The following COL5A2 variants were observed in gnomAD, a reference collection of about 807,000 sequenced individuals.
The protein encoded by COL5A2 is collagen type V alpha 2 chain.
A neutral mutation model predicts 208.2 loss-of-function variants in COL5A2; 23 were observed. The ratio of observed to expected loss-of-function variants is 0.11; its 90% confidence interval spans 0.08 to 0.16. The LOEUF is 0.16. Ranked by LOEUF, COL5A2 falls within the 10% of genes least tolerant of loss-of-function variation. The probability of loss-of-function intolerance (pLI) is 1.00; values close to 1 mark genes in which losing one functional copy is unlikely to be tolerated. For missense variants in COL5A2, 1,590 were observed against 1,956.4 expected, an observed-to-expected ratio of 0.81 and a Z score of 3.53; for synonymous variants, 625 against 628.5, an observed-to-expected ratio of 0.99 and a Z score of 0.08.
intron 1 of COL5A2, among the ~76,000 whole-genome samples, chr2:189,143,641 A>G (rs1453683826): frequency 1.3e-5 from 2 of 152,196 alleles, no homozygotes; most frequent in Non-Finnish European, 2.9e-5. Flanking sequence ...CTGTTATTAA[A>G]CAACTCATAC....
the COL5A2 span, among the ~76,000 whole-genome samples, chr2:189,317,967 T>C: frequency 3.9e-5 from 6 of 152,224 alleles, no homozygotes; most frequent in Admixed American, 3.9e-4. Flanking sequence ...CACTCACTTG[T>C]TCCTGACAAA....
the COL5A2 span, among the ~76,000 whole-genome samples, chr2:189,388,353 G>A: frequency 6.6e-6 from 1 of 152,132 alleles, no homozygotes; most frequent in African/African-American, 2.4e-5. Context: ...AGACAGGAAG[G>A]TAAAGATCCA....
upstream of COL5A2, among the ~76,000 whole-genome samples, chr2:189,229,609 G>A (rs1309645614): frequency 2.0e-5 from 3 of 151,192 alleles, no homozygotes; most frequent in African/African-American, 7.3e-5. Context: ...AAAATCCTTA[G>A]GAAAAAATTT....
the COL5A2 span, among the ~76,000 whole-genome samples, chr2:189,425,422 T>C: frequency 6.6e-6 from 1 of 152,186 alleles, no homozygotes; most frequent in African/African-American, 2.4e-5. Flanking sequence ...GCAAGCAACA[T>C]AGCTGAGATA....
At chr2:189,344,129 A>T in the COL5A2 span, among the ~76,000 whole-genome samples, 1 of 152,226 alleles carries the variant, frequency 6.6e-6, no homozygotes, top group Non-Finnish European at 1.5e-5. Flanking sequence ...ACACACACAT[A>T]AACAAAGATC....
At chr2:189,092,171 C>A in intron 7 of COL5A2, 139 bp downstream of exon 7, 1 of 706,962 alleles carries the variant, frequency 1.4e-6, no homozygotes, top group Non-Finnish European at 2.6e-6. Flanking sequence ...GTTCTACTGT[C>A]CATAGCAGTG....
the COL5A2 span, among the ~76,000 whole-genome samples, chr2:189,351,093 G>A: frequency 6.6e-6 from 1 of 152,200 alleles, no homozygotes; most frequent in African/African-American, 2.4e-5. Context: ...TTACCAATAG[G>A]AGTCTCCTTC....
At chr2:189,203,040 T>C (rs1222437745) in intron 1 of COL5A2, among the ~76,000 whole-genome samples, 1 of 152,186 alleles carries the variant, frequency 6.6e-6, no homozygotes, top group Non-Finnish European at 1.5e-5. Context: ...TAACTTTCCA[T>C]TGGCACAGAT....
At chr2:189,238,610 A>G in the COL5A2 span, among the ~76,000 whole-genome samples, 3 of 152,168 alleles carry the variant, frequency 2.0e-5, no homozygotes, top group Non-Finnish European at 4.4e-5. Flanking sequence ...ACTGACTCAC[A>G]GTTCAGCATG....
chr2:189,149,508 G>C (rs1688104479), intron 1 of COL5A2, among the ~76,000 whole-genome samples: 1 of 152,032 alleles, frequency 6.6e-6, no homozygotes, highest in African/African-American at 2.4e-5. Context: ...TAGTCACATG[G>C]AATGCAATTT....
chr2:189,191,184 A>T (rs576084764), intron 1 of COL5A2, among the ~76,000 whole-genome samples: 1 of 145,308 alleles, frequency 6.9e-6, no homozygotes, highest in African/African-American at 2.5e-5. Context: ...AAACAACAAC[A>T]AAAAAAACCA....
rs138339392 is a variant in COL5A2, at chr2:189,190,975, T to C, written c.-42+34173A>G. 7.6e-3 allele frequency among the ~76,000 whole-genome samples: 1,152 copies of C among 152,076 alleles called. 6 individuals carry two copies. The highest frequency in any genetic ancestry group is 0.011 in the Non-Finnish European group (714 of 67,962). The stretch of plus-strand genomic sequence containing the variant: ...ACACATAATAAAGGAATGAGTTCTA[T>C]TATACAAACACACAGAACAATAATA... On this transcript the variant is annotated intron_variant, in intron 1 of 10. Coordinates refer to the COL5A2 transcript ENST00000649966.
At chr2:189,192,892 G>A (rs1350681792) in intron 1 of COL5A2, among the ~76,000 whole-genome samples, 1 of 152,202 alleles carries the variant, frequency 6.6e-6, no homozygotes, top group East Asian at 1.9e-4. Context: ...TATCACAAGA[G>A]TGTGCTACTT....
Position 189,048,332 on chromosome 2 carries a change from A to G in COL5A2, c.3148-70T>C, listed in dbSNP as rs1685714193. On this transcript the variant is annotated intron_variant, in intron 44 of 53. Coordinates refer to ENST00000374866, the MANE Select transcript of COL5A2 (RefSeq NM_000393.5). ...AAAAAATCCTCATTCCAATTGTCAA[A>G]AAATGACAGCATGTTTTACACCTGT... is the stretch of plus-strand genomic sequence containing the variant. 15 of 1,395,296 alleles carry G rather than the reference A, an allele frequency of 1.1e-5. No individual in the cohort carries two copies. The South Asian group carries it at 1.6e-4, about 15-fold the overall frequency. The allele number at this position is 1,395,296 out of a possible 1,614,324, so 86.4% of individuals were successfully genotyped here. A position where few individuals can be genotyped will look rare whatever the true frequency, so the allele number is the denominator to read the frequency against.
At chr2:189,040,724 GAGAAA>G (rs1271380651) in intron 50 of COL5A2, among the ~76,000 whole-genome samples, 1 of 152,036 alleles carries the variant, frequency 6.6e-6, no homozygotes, top group African/African-American at 2.4e-5. Flanking sequence ...CTAATTTTAA[GAGAAA>G]AGAAAAGACT....
chr2:189,410,298 A>C, the COL5A2 span, among the ~76,000 whole-genome samples: 1 of 152,184 alleles, frequency 6.6e-6, no homozygotes. Context: ...TTAACAAAAG[A>C]CAACTTATGC....
chr2:189,311,969 AT>A, the COL5A2 span: 1 of 756,978 alleles, frequency 1.3e-6, no homozygotes, highest in Non-Finnish European at 2.4e-6. Flanking sequence ...GACATTGGTC[AT>A]CAGTGACCTT....
chr2:189,310,690 A>G, the COL5A2 span, among the ~76,000 whole-genome samples: 1 of 152,120 alleles, frequency 6.6e-6, no homozygotes. Flanking sequence ...TCAATAGATG[A>G]ATGGATAAAG....
At chr2:189,219,881 C>T (rs978767243) in intron 1 of COL5A2, among the ~76,000 whole-genome samples, 3 of 152,040 alleles carry the variant, frequency 2.0e-5, no homozygotes, top group Admixed American at 1.3e-4. Flanking sequence ...GTGCCCCCCC[C>T]CCACTCTTAG....
Sources: allele counts gnomAD v4.1 joint callset (sites outside exome capture counted in the v4.1 genomes callset), GRCh38; gene constraint gnomAD v4.1.1; transcripts MANE v1.5; gene names NCBI Gene and HGNC (gene_info 2026-07-23, HGNC 2026-07-21).